Variants in MECOM observed in about 807,000 individuals in gnomAD.
MECOM encodes histone-lysine N-methyltransferase MECOM.
Under a neutral mutation model 116.3 loss-of-function variants are expected in MECOM, and 13 were observed. That is an observed-to-expected ratio of 0.11 (90% CI 0.07 to 0.18). The LOEUF is 0.18. Ranked by LOEUF, MECOM falls within the 10% of genes least tolerant of loss-of-function variation. The pLI is 1.00. For synonymous variants in MECOM, 528 were observed against 535.2 expected, an observed-to-expected ratio of 0.99 and a Z score of 0.19; for missense variants, 1,299 against 1,509.0, an observed-to-expected ratio of 0.86 and a Z score of 2.31.
At chr3:169,584,435 A>C (rs6444865) in intron 1 of MECOM, among the ~76,000 whole-genome samples, 3 of 150,744 alleles carry the variant, frequency 2.0e-5, no homozygotes, top group Admixed American at 1.3e-4. Flanking sequence ...CGTGGTGGCG[A>C]GCGCCTGTAG....
intron 2 of MECOM, among the ~76,000 whole-genome samples, chr3:169,205,686 A>C (rs531279041): frequency 6.6e-6 from 1 of 152,300 alleles, no homozygotes; most frequent in Middle Eastern, 3.4e-3. Flanking sequence ...TGACATAAAC[A>C]CACATTCAAA....
intron 1 of MECOM, among the ~76,000 whole-genome samples, chr3:169,542,938 A>G (rs1760277537): frequency 6.6e-6 from 1 of 152,240 alleles, no homozygotes; most frequent in Non-Finnish European, 1.5e-5. Context: ...GCAGCTTGGA[A>G]TCTGTGATAA....
chr3:169,091,635 G>A (rs954230569), intron 14 of MECOM, among the ~76,000 whole-genome samples: 16 of 150,920 alleles, frequency 1.1e-4, no homozygotes, highest in Admixed American at 4.0e-4. Context: ...AGACAGACAC[G>A]CACACACACA....
chr3:169,347,086 A>G (rs1725485695), intron 2 of MECOM, among the ~76,000 whole-genome samples: 1 of 152,028 alleles, frequency 6.6e-6, no homozygotes, highest in African/African-American at 2.4e-5. Context: ...AGCAAGACAA[A>G]TGGTTAACTG....
intron 2 of MECOM, among the ~76,000 whole-genome samples, chr3:169,197,143 A>G (rs1314363884): frequency 1.3e-5 from 2 of 151,864 alleles, no homozygotes; most frequent in Non-Finnish European, 2.9e-5. Flanking sequence ...GAAGCGAACT[A>G]TAGACACCAG....
chr3:169,532,523 G>T (rs1283752592), intron 1 of MECOM, among the ~76,000 whole-genome samples: 1 of 152,192 alleles, frequency 6.6e-6, no homozygotes, highest in Non-Finnish European at 1.5e-5. Context: ...TGAGCACTTT[G>T]TCTAAGACCC....
At chr3:169,508,908 A>C (rs1371614780) in intron 1 of MECOM, among the ~76,000 whole-genome samples, 1 of 152,216 alleles carries the variant, frequency 6.6e-6, no homozygotes, top group African/African-American at 2.4e-5. Context: ...CTTAGTTACA[A>C]AATAAGTGTG....
At chr3:169,290,225 G>T (rs1714242399) in intron 2 of MECOM, among the ~76,000 whole-genome samples, 2 of 152,034 alleles carry the variant, frequency 1.3e-5, no homozygotes, top group South Asian at 4.1e-4. Context: ...GTACATTATG[G>T]GGCACACTTG....
chr3:169,451,004 G>T (rs1745484159), intron 1 of MECOM, among the ~76,000 whole-genome samples: 1 of 152,066 alleles, frequency 6.6e-6, no homozygotes, highest in African/African-American at 2.4e-5. Flanking sequence ...AAAAGCCTCT[G>T]GAATATCACT....
chr3:169,589,907 A>G (rs77375136), intron 1 of MECOM, among the ~76,000 whole-genome samples: 1,688 of 152,306 alleles, frequency 0.011, 30 homozygotes, highest in African/African-American at 0.038. Context: ...TCACTGCAAC[A>G]ATTTTGTCAC....
chr3:169,091,718 G>A (rs1719778012), intron 14 of MECOM, among the ~76,000 whole-genome samples: 1 of 151,996 alleles, frequency 6.6e-6, no homozygotes, highest in Non-Finnish European at 1.5e-5. Context: ...CTCAGAGACT[G>A]GAAGGGTCTT....
In MECOM at chr3:169,485,944, T is replaced by TA. The variant is rs1491555135; in HGVS notation, c.38-104421_38-104420insT. Among the ~76,000 whole-genome samples, 246 of 101,278 alleles carry TA rather than the reference T, an allele frequency of 2.4e-3. 2 individuals are homozygous for TA. Among genetic ancestry groups the TA allele is most frequent in the African/African-American group, 8.6e-3 (207 of 23,956 alleles). 66.4% of individuals were successfully genotyped at this position (101,278 alleles called of 152,430 possible). On this transcript the variant is annotated intron_variant, in intron 1 of 16. Coordinates refer to ENST00000651503, the MANE Select transcript of MECOM (RefSeq NM_004991.4). ...ATATAGTATATATAGTATATATGTA[T>TA]GTATATATGTACATATATACTATAT...
At position 169,100,981 on chromosome 3, in the gene MECOM, T is replaced by C; in HGVS notation, c.2772-19A>G. 1 of 1,593,588 alleles carries C rather than the reference T, an allele frequency of 6.3e-7. No homozygotes were observed. The highest frequency in any genetic ancestry group is 8.6e-7 in the Non-Finnish European group (1 of 1,164,376). The stretch of plus-strand genomic sequence containing the variant: ...ACAGTATCTGTTATGAAAAGATGTT[T>C]ATAAGAGAAAGTCAGCACAGTTGAC... On this transcript the variant is annotated intron_variant, in intron 11 of 16. Coordinates refer to ENST00000651503, the MANE Select transcript of MECOM (RefSeq NM_004991.4).
intron 1 of MECOM, among the ~76,000 whole-genome samples, chr3:169,384,584 G>A (rs970559379): frequency 3.3e-5 from 5 of 152,068 alleles, no homozygotes; most frequent in Non-Finnish European, 5.9e-5. Flanking sequence ...TTCTTAAAGC[G>A]ATTTCTCCCC....
chr3:169,133,912 C>T (rs1191619504), intron 3 of MECOM: 2 of 1,288,820 alleles, frequency 1.6e-6, no homozygotes, highest in Admixed American at 4.6e-5. Flanking sequence ...TTTGAATCAC[C>T]TCTTTTTTTG....
chr3:169,401,816 G>C (rs1735951245), intron 1 of MECOM, among the ~76,000 whole-genome samples: 1 of 152,214 alleles, frequency 6.6e-6, no homozygotes, highest in Admixed American at 6.5e-5. Flanking sequence ...AGTATTGTCT[G>C]ACTTATAGTG....
At chr3:169,382,992 T>A (rs1203800947) in intron 1 of MECOM, among the ~76,000 whole-genome samples, 1 of 151,960 alleles carries the variant, frequency 6.6e-6, no homozygotes, top group Non-Finnish European at 1.5e-5. Flanking sequence ...AGTTGCTGAT[T>A]AAACTAGGTG....
chr3:169,566,371 A>G (rs367789289), intron 1 of MECOM, among the ~76,000 whole-genome samples: 374 of 152,302 alleles, frequency 2.5e-3, no homozygotes, highest in African/African-American at 8.7e-3. Flanking sequence ...GGTCTTGAAA[A>G]TGACACCCCA....
intron 2 of MECOM, among the ~76,000 whole-genome samples, chr3:169,282,448 G>A (rs1712281774): frequency 6.6e-6 from 1 of 152,162 alleles, no homozygotes; most frequent in Admixed American, 6.6e-5. Context: ...GTCTGTGTCA[G>A]GGTCTTTTAT....
Sources: gnomAD v4.1 joint callset for allele counts (sites outside exome capture counted in the v4.1 genomes callset) on GRCh38, gnomAD v4.1.1 for gene constraint, MANE v1.5 for transcripts, NCBI Gene and HGNC (gene_info 2026-07-23, HGNC 2026-07-21) for gene names.